Variants in KIAA1217 observed in about 807,000 individuals in gnomAD.
KIAA1217 encodes KIAA1217, also known as sickle tail protein homolog.
KIAA1217 carries 88 observed loss-of-function variants against 163.9 expected under a neutral mutation model. The ratio of observed to expected loss-of-function variants is 0.54; its 90% CI spans 0.45 to 0.64. The LOEUF (loss-of-function observed/expected upper bound fraction) is 0.64, where lower values mean the gene tolerates loss of function less well. Ranked by LOEUF, KIAA1217 falls within the 30% of genes least tolerant of loss-of-function variation. KIAA1217 has a pLI of 0.00. For missense variants in KIAA1217, 2,372 were observed against 2,475.0 expected (o/e 0.96, Z 0.88); for synonymous variants, 903 against 923.1 (o/e 0.98, Z 0.39).
intron 1 of KIAA1217, among the ~76,000 whole-genome samples, chr10:23,926,362 A>C (rs928050475): frequency 1.3e-5 from 2 of 152,232 alleles, no homozygotes; most frequent in African/African-American, 4.8e-5. Flanking sequence ...TCTCATATGA[A>C]AATGATGACC....
intron 2 of KIAA1217, among the ~76,000 whole-genome samples, chr10:24,268,110 A>G (rs1406879698): frequency 6.6e-6 from 1 of 152,144 alleles, no homozygotes; most frequent in East Asian, 1.9e-4. Flanking sequence ...AACACACACA[A>G]AGCTGTCTGT....
At chr10:24,094,776 G>A (rs2131696894) in intron 2 of KIAA1217, among the ~76,000 whole-genome samples, 1 of 152,316 alleles carries the variant, frequency 6.6e-6, no homozygotes, top group African/African-American at 2.4e-5. Context: ...GTCAGACAGG[G>A]ACACTTAAGT....
At chr10:23,855,121 A>G (rs1839581692) in intron 1 of KIAA1217, among the ~76,000 whole-genome samples, 1 of 152,182 alleles carries the variant, frequency 6.6e-6, no homozygotes, top group Non-Finnish European at 1.5e-5. Context: ...GATGGTCTTT[A>G]CAATTTGGCA....
At chr10:23,708,427 A>T (rs1033370321) in intron 1 of KIAA1217, among the ~76,000 whole-genome samples, 2 of 152,190 alleles carry the variant, frequency 1.3e-5, no homozygotes, top group Non-Finnish European at 2.9e-5. Context: ...TGAGGCTCAG[A>T]AGCACTGGGT....
chr10:24,532,087 C>T (rs1317734309), intron 15 of KIAA1217, 94 bp downstream of exon 15: 19 of 1,187,972 alleles, frequency 1.6e-5, no homozygotes, highest in Non-Finnish European at 2.0e-5. Flanking sequence ...AGTAGTGAGG[C>T]AGAGAAGTAG....
chr10:24,063,678 A>C (rs1435308130), intron 2 of KIAA1217, among the ~76,000 whole-genome samples: 3 of 152,184 alleles, frequency 2.0e-5, no homozygotes, highest in Admixed American at 6.5e-5. Flanking sequence ...TTCTGTGAAG[A>C]AAGTCATTGG....
intron 1 of KIAA1217, among the ~76,000 whole-genome samples, chr10:23,934,625 A>ACGTATATATATATATATAT (rs1386131943): frequency 1.6e-4 from 11 of 68,546 alleles, no homozygotes; most frequent in African/African-American, 9.2e-4. Context: ...ATATATATAT[A>ACGTATATATATATATATAT]TTTTTTTTTT....
At chr10:24,054,841 A>G (rs1849772071) in intron 2 of KIAA1217, among the ~76,000 whole-genome samples, 1 of 152,216 alleles carries the variant, frequency 6.6e-6, no homozygotes, top group Non-Finnish European at 1.5e-5. Flanking sequence ...AACGGTAAGT[A>G]TCTGTACATC....
intron 2 of KIAA1217, among the ~76,000 whole-genome samples, chr10:24,022,614 T>C (rs561258300): frequency 2.1e-4 from 32 of 151,852 alleles, no homozygotes; most frequent in African/African-American, 7.7e-4. Flanking sequence ...CCCAGGTATT[T>C]ATCCAAATTA....
chr10:24,061,972 C>T (rs891798110), intron 2 of KIAA1217, among the ~76,000 whole-genome samples: 4 of 151,846 alleles, frequency 2.6e-5, no homozygotes, highest in East Asian at 1.9e-4. Flanking sequence ...ATAAGCTTTC[C>T]GATTCTTTCT....
chr10:24,117,936 A>T (rs1398069302), intron 2 of KIAA1217, among the ~76,000 whole-genome samples: 1 of 152,140 alleles, frequency 6.6e-6, no homozygotes, highest in Non-Finnish European at 1.5e-5. Context: ...AAATGCATGG[A>T]ACTGGAAACT....
rs1250662005 is a variant in KIAA1217 at position 24,544,407 on chromosome 10, C to G, written c.5137C>G (p.Arg1713Gly). Residue 1713 changes from arginine (R) to glycine (G), a missense_variant, in exon 19 of 21, where the codon CGA becomes GGA. Coordinates refer to ENST00000376454, the MANE Select transcript of KIAA1217 (RefSeq NM_019590.5). ...CCACATAGCCCAAGAGGCCTCTCCC[C>G]GACCCTTGCTAGTTCCGGATGAAGG... Reference protein sequence around the residue: ...SSHIAQEASPRPLLVPDEGPT... With the variant: ...SSHIAQEASPGPLLVPDEGPT... 2 of 1,614,122 alleles carry G rather than the reference C, an allele frequency of 1.2e-6. No individual in the cohort carries two copies. Among genetic ancestry groups the G allele is most frequent in the Admixed American group, 1.7e-5 (1 of 60,018 alleles).
chr10:24,527,970 A>G lies in KIAA1217; in HGVS notation c.2933A>G (p.Asn978Ser), dbSNP rs375000847. The G allele has an allele frequency of 1.0e-4, 161 of 1,613,974 alleles. No individual in the cohort carries two copies. Among genetic ancestry groups the G allele is most frequent in the Non-Finnish European group, 1.3e-4 (151 of 1,180,032 alleles). Residue 978 changes from asparagine (N) to serine (S), a missense_variant, in exon 14 of 21, where the codon AAT becomes AGT. Asn to Ser is a conservative substitution (Grantham distance 46). Transcript: ENST00000376454. ...AAGAAATGGGAGGAAAAAAGGCAAAATCTGGATCACTATAATGGGAAAGAG... is the reference window on the plus strand; with the variant it reads ...AAGAAATGGGAGGAAAAAAGGCAAAGTCTGGATCACTATAATGGGAAAGAG... ...AEKKWEEKRQ[N>S]LDHYNGKEFE...
At chr10:24,306,014 G>C (rs1399369033) in intron 2 of KIAA1217, among the ~76,000 whole-genome samples, 3 of 152,136 alleles carry the variant, frequency 2.0e-5, no homozygotes, top group Non-Finnish European at 4.4e-5. Flanking sequence ...ATTGACGTCA[G>C]AGTTAAAAAA....
At chr10:24,481,323 G>A (rs1195994093) in intron 6 of KIAA1217, 2 of 152,158 alleles carry the variant, frequency 1.3e-5, no homozygotes, top group African/African-American at 2.4e-5. Context: ...CTGAATACCT[G>A]TTTTTGAGAA....
chr10:24,228,295 A>G (rs1205252500), intron 2 of KIAA1217, among the ~76,000 whole-genome samples: 1 of 152,046 alleles, frequency 6.6e-6, no homozygotes, highest in Non-Finnish European at 1.5e-5. Flanking sequence ...AATATAGGTT[A>G]TCATAAGAAA....
At chr10:23,961,430 A>C (rs1203272884) in intron 1 of KIAA1217, among the ~76,000 whole-genome samples, 1 of 152,198 alleles carries the variant, frequency 6.6e-6, no homozygotes, top group African/African-American at 2.4e-5. Context: ...AAATAAAATG[A>C]TTAGAGAGCC....
chr10:24,308,638 C>T (rs540965808), intron 2 of KIAA1217, among the ~76,000 whole-genome samples: 22 of 152,268 alleles, frequency 1.4e-4, no homozygotes, highest in Middle Eastern at 3.4e-3. Flanking sequence ...AAAACCTGTG[C>T]GTATCCATCA....
intron 6 of KIAA1217, chr10:24,483,019 CAAAA>C (rs397846909): frequency 7.3e-5 from 7 of 95,554 alleles, no homozygotes; most frequent in East Asian, 2.7e-4. Flanking sequence ...GATCCTGTCT[CAAAA>C]AAAAAAAAAA....
Sources: gnomAD v4.1 joint callset for allele counts (sites outside exome capture counted in the v4.1 genomes callset) on GRCh38, gnomAD v4.1.1 for gene constraint, MANE v1.5 for transcripts, NCBI Gene and HGNC (gene_info 2026-07-23, HGNC 2026-07-21) for gene names.